Variants in TAFA2 observed in about 807,000 individuals in gnomAD.
TAFA2 encodes the protein chemokine-like protein TAFA-2.
TAFA2 carries 7 observed loss-of-function variants against 18.8 expected under a neutral mutation model. That is an observed-to-expected ratio of 0.37 (90% CI 0.21 to 0.70). The LOEUF (loss-of-function observed/expected upper bound fraction) is 0.70. TAFA2 is among the 30% of genes least tolerant of loss of function. The probability of loss-of-function intolerance (pLI) is 0.53; values close to 1 mark genes in which losing one functional copy is unlikely to be tolerated. For missense variants in TAFA2, 122 were observed against 158.1 expected (o/e 0.77, Z 1.23); for synonymous variants, 60 against 54.2 (o/e 1.11, Z -0.47).
intron 1 of TAFA2, among the ~76,000 whole-genome samples, chr12:61,950,214 T>C (rs1040233201): frequency 6.6e-6 from 1 of 152,154 alleles, no homozygotes; most frequent in Admixed American, 6.6e-5. Context: ...TATGTAGTAT[T>C]GCTATGAAAA....
At chr12:62,101,685 C>G (rs1165119824) in intron 1 of TAFA2, among the ~76,000 whole-genome samples, 1 of 152,186 alleles carries the variant, frequency 6.6e-6, no homozygotes, top group Non-Finnish European at 1.5e-5. Context: ...TGGACCATTT[C>G]TGGAGTCTAT....
At chr12:61,988,725 C>T (rs1022592567) in intron 1 of TAFA2, among the ~76,000 whole-genome samples, 18 of 152,132 alleles carry the variant, frequency 1.2e-4, no homozygotes, top group African/African-American at 4.3e-4. Context: ...GGCCCAACAA[C>T]GGAGATGTGT....
intron 1 of TAFA2, among the ~76,000 whole-genome samples, chr12:62,125,176 TA>T (rs1305482573): frequency 1.3e-5 from 2 of 152,164 alleles, no homozygotes; most frequent in African/African-American, 4.8e-5. Flanking sequence ...GTATACCTTT[TA>T]TTTTTTTAAA....
At chr12:61,964,954 G>A (rs1879018106) in intron 1 of TAFA2, among the ~76,000 whole-genome samples, 1 of 151,598 alleles carries the variant, frequency 6.6e-6, no homozygotes, top group Admixed American at 6.6e-5. Flanking sequence ...GATTTGTATT[G>A]GAAAGTAATC....
At chr12:62,165,972 C>G (rs542916854) in intron 1 of TAFA2, among the ~76,000 whole-genome samples, 2 of 136,150 alleles carry the variant, frequency 1.5e-5, no homozygotes, top group African/African-American at 5.5e-5. Flanking sequence ...CACACACACA[C>G]AGACGCAAAC....
chr12:62,043,582 G>T (rs1378512204), intron 1 of TAFA2, among the ~76,000 whole-genome samples: 1 of 151,952 alleles, frequency 6.6e-6, no homozygotes, highest in East Asian at 1.9e-4. Context: ...CCTGCACATT[G>T]TGCACATGTA....
chr12:62,081,907 G>T (rs190844799), intron 1 of TAFA2, among the ~76,000 whole-genome samples: 86 of 152,126 alleles, frequency 5.7e-4, no homozygotes, highest in Non-Finnish European at 5.0e-4. Flanking sequence ...ATTAGGCCCA[G>T]CATCCGTTAG....
intron 2 of TAFA2, among the ~76,000 whole-genome samples, chr12:61,861,264 T>C (rs1220465717): frequency 1.3e-5 from 2 of 150,714 alleles, no homozygotes; most frequent in Non-Finnish European, 3.0e-5. Flanking sequence ...GCCTTTTTTT[T>C]TTTTTTTTTT....
At chr12:61,880,337 G>T in intron 1 of TAFA2, 1 of 491,824 alleles carries the variant, frequency 2.0e-6, no homozygotes, top group East Asian at 5.7e-5. Flanking sequence ...CACAGATGCC[G>T]AGAAGCGCAG....
intron 2 of TAFA2, among the ~76,000 whole-genome samples, chr12:61,812,625 A>C (rs1262165201): frequency 6.8e-6 from 1 of 147,894 alleles, no homozygotes; most frequent in African/African-American, 2.6e-5. Flanking sequence ...GCTGGAGCGC[A>C]GTGGCACAAT....
At chr12:61,724,505 A>G (rs1268723467) in intron 4 of TAFA2, among the ~76,000 whole-genome samples, 1 of 151,778 alleles carries the variant, frequency 6.6e-6, no homozygotes, top group African/African-American at 2.4e-5. Context: ...TGTACACTAT[A>G]CCCAATGTGT....
intron 1 of TAFA2, among the ~76,000 whole-genome samples, chr12:62,221,215 GGGGAAGGAA>G (rs779899854): frequency 0.024 from 1,582 of 65,952 alleles, 12 homozygotes; most frequent in South Asian, 0.037. Context: ...GGAAGGAAGG[GGGGAAGGAA>G]GGAAGGAAGG....
At chr12:61,762,633 T>TATATA (rs1555162980) in intron 2 of TAFA2, among the ~76,000 whole-genome samples, 4,347 of 147,524 alleles carry the variant, frequency 0.029, 72 homozygotes, top group Non-Finnish European at 0.032. Context: ...ATTTCATTTT[T>TATATA]TATATATATA....
chr12:61,757,459 G>T (rs1255246140), intron 2 of TAFA2, among the ~76,000 whole-genome samples: 2 of 151,944 alleles, frequency 1.3e-5, no homozygotes. Flanking sequence ...AAGCTTAAAA[G>T]ATACCAATGC....
chr12:62,202,256 G>T (rs1435619000), intron 1 of TAFA2, among the ~76,000 whole-genome samples: 1 of 150,678 alleles, frequency 6.6e-6, no homozygotes, highest in Non-Finnish European at 1.5e-5. Context: ...TGTGATCTTG[G>T]TTATTTCTTG....
At chr12:61,948,204 A>G (rs1404205489) in intron 1 of TAFA2, among the ~76,000 whole-genome samples, 1 of 152,164 alleles carries the variant, frequency 6.6e-6, no homozygotes, top group African/African-American at 2.4e-5. Context: ...TTCTTTCATC[A>G]TCACAAACTC....
intron 4 of TAFA2, among the ~76,000 whole-genome samples, chr12:61,727,721 C>A (rs1870237918): frequency 6.6e-6 from 1 of 151,654 alleles, no homozygotes; most frequent in African/African-American, 2.4e-5. Flanking sequence ...TCATTTAGTT[C>A]TGATCTTTGT....
At chr12:61,766,562 G>A (rs1869799622) in intron 2 of TAFA2, among the ~76,000 whole-genome samples, 1 of 151,958 alleles carries the variant, frequency 6.6e-6, no homozygotes, top group Non-Finnish European at 1.5e-5. Flanking sequence ...ACTTATCTCT[G>A]TAACGCGTGT....
intron 2 of TAFA2, among the ~76,000 whole-genome samples, chr12:61,770,807 A>C (rs1253384692): frequency 6.6e-6 from 1 of 152,070 alleles, no homozygotes; most frequent in Admixed American, 6.6e-5. Context: ...ATTTCACAGA[A>C]CCTACAAAAC....
Sources: allele counts gnomAD v4.1 joint callset (sites outside exome capture counted in the v4.1 genomes callset), GRCh38; gene constraint gnomAD v4.1.1; transcripts MANE v1.5; gene names NCBI Gene and HGNC (gene_info 2026-07-23, HGNC 2026-07-21).